The following NPSR1 variants were observed in gnomAD, a reference collection of about 807,000 sequenced individuals.
NPSR1 encodes neuropeptide S receptor 1, also known as neuropeptide S receptor.
A neutral mutation model predicts 46.9 loss-of-function variants in NPSR1; 48 were observed. That is an observed-to-expected ratio of 1.02 (90% confidence interval 0.81 to 1.30). NPSR1 has a LOEUF of 1.30. Among genes scored for constraint, NPSR1 ranks in the 50% most tolerant of loss-of-function variants. The probability of loss-of-function intolerance (pLI) is 0.00; values close to 1 mark genes in which losing one functional copy is unlikely to be tolerated. For synonymous variants in NPSR1, 176 were observed against 168.1 expected, an observed-to-expected ratio of 1.05 and a Z score of -0.36; for missense variants, 450 against 449.5, an observed-to-expected ratio of 1.00 and a Z score of -0.01.
At chr7:34,775,784 A>G (rs964624148) in intron 2 of NPSR1, among the ~76,000 whole-genome samples, 2 of 151,946 alleles carry the variant, frequency 1.3e-5, no homozygotes, top group African/African-American at 4.8e-5. Flanking sequence ...TGAGTTTGTT[A>G]TGCTCTTCCT....
intron 2 of NPSR1, chr7:34,719,323 G>A (rs1205503404): frequency 6.6e-6 from 1 of 152,284 alleles, no homozygotes; most frequent in Non-Finnish European, 1.5e-5. Context: ...TCAACAGAGG[G>A]AAGGAAGGAG....
At chr7:34,789,589 T>C (rs1173119323) in intron 3 of NPSR1, among the ~76,000 whole-genome samples, 1 of 151,682 alleles carries the variant, frequency 6.6e-6, no homozygotes, top group African/African-American at 2.4e-5. Flanking sequence ...GGTCAGGAGT[T>C]TGACACCAGC....
intron 3 of NPSR1, among the ~76,000 whole-genome samples, chr7:34,783,485 C>A (rs324988): frequency 6.6e-6 from 1 of 151,830 alleles, no homozygotes; most frequent in Admixed American, 6.6e-5. Flanking sequence ...GGGATTATGG[C>A]AACTAAAATT....
chr7:34,791,563 C>T (rs1050696251), intron 3 of NPSR1, among the ~76,000 whole-genome samples: 1 of 151,274 alleles, frequency 6.6e-6, no homozygotes, highest in African/African-American at 2.4e-5. Context: ...TTAAACTAGG[C>T]AAAAATTGGA....
chr7:34,675,888 CATT>C (rs1320881406), intron 1 of NPSR1, among the ~76,000 whole-genome samples: 1 of 152,188 alleles, frequency 6.6e-6, no homozygotes, highest in African/African-American at 2.4e-5. Flanking sequence ...ATTTTAAATA[CATT>C]TCTTATTTCC....
intron 3 of NPSR1, among the ~76,000 whole-genome samples, chr7:34,780,415 A>G (rs1032583447): frequency 2.6e-5 from 4 of 152,188 alleles, no homozygotes; most frequent in Non-Finnish European, 4.4e-5. Flanking sequence ...TTAAGACTAT[A>G]TATAAAATAT....
chr7:34,664,284 A>G (rs567292947), intron 1 of NPSR1, among the ~76,000 whole-genome samples: 1 of 152,314 alleles, frequency 6.6e-6, no homozygotes, highest in South Asian at 2.1e-4. Context: ...CCGGTGTCTC[A>G]GTTTCCTCAT....
intron 2 of NPSR1, among the ~76,000 whole-genome samples, chr7:34,762,501 T>C (rs1024637839): frequency 6.6e-6 from 1 of 152,232 alleles, no homozygotes; most frequent in Non-Finnish European, 1.5e-5. Context: ...ACACAAGTTC[T>C]TCAAGACTTG....
At chr7:34,799,291 TAATTA>T (rs1339830128) in intron 3 of NPSR1, among the ~76,000 whole-genome samples, 1 of 152,014 alleles carries the variant, frequency 6.6e-6, no homozygotes, top group Non-Finnish European at 1.5e-5. Flanking sequence ...AAAAAATTAA[TAATTA>T]AATTTAAAAC....
At chr7:34,803,213 C>T (rs1788510061) in intron 3 of NPSR1, among the ~76,000 whole-genome samples, 1 of 151,912 alleles carries the variant, frequency 6.6e-6, no homozygotes, top group Non-Finnish European at 1.5e-5. Context: ...CATCCCATTA[C>T]TGGGTATTTA....
Position 34,674,849 on chromosome 7 carries a change from G to A in NPSR1, c.148-9703G>A, listed in dbSNP as rs1320968341. Among the ~76,000 whole-genome samples, 5 of 152,244 alleles carry A rather than the reference G, an allele frequency of 3.3e-5. No homozygotes were observed. The East Asian group carries it at 7.7e-4, about 24-fold the overall frequency. On this transcript the variant is annotated intron_variant, in intron 1 of 8. Transcript: ENST00000360581. ...GCATGGACCTTATGCTCAGTCCTGA[G>A]GGAGACAGTCATGAATCCAACCCAG...
chr7:34,722,787 C>T (rs192187510), intron 2 of NPSR1, among the ~76,000 whole-genome samples: 104 of 152,194 alleles, frequency 6.8e-4, no homozygotes, highest in East Asian at 1.2e-3. Flanking sequence ...ATGACAGTTC[C>T]GTATGTCAGC....
chr7:34,775,149 A>T (rs1786893465), intron 2 of NPSR1, among the ~76,000 whole-genome samples: 1 of 152,190 alleles, frequency 6.6e-6, no homozygotes, highest in Non-Finnish European at 1.5e-5. Context: ...GACATCTTTG[A>T]TGTAAATGGA....
At chr7:34,826,581 A>G (rs1789851746) in intron 4 of NPSR1, among the ~76,000 whole-genome samples, 1 of 152,166 alleles carries the variant, frequency 6.6e-6, no homozygotes, top group Admixed American at 6.5e-5. Flanking sequence ...AGTTTCAACA[A>G]CAGCTTGACA....
At chr7:34,729,558 G>T (rs546121336) in intron 2 of NPSR1, among the ~76,000 whole-genome samples, 41 of 152,114 alleles carry the variant, frequency 2.7e-4, no homozygotes, top group African/African-American at 9.4e-4. Flanking sequence ...TATCAATTTG[G>T]AAATGATATG....
At chr7:34,840,283 CAG>C (rs1342581363) in intron 6 of NPSR1, among the ~76,000 whole-genome samples, 2 of 152,148 alleles carry the variant, frequency 1.3e-5, no homozygotes, top group Admixed American at 1.3e-4. Context: ...CTGGAGAATA[CAG>C]AGTCAGGCAC....
intron 1 of NPSR1, among the ~76,000 whole-genome samples, chr7:34,668,256 T>G (rs537407512): frequency 3.9e-5 from 6 of 152,192 alleles, no homozygotes; most frequent in Non-Finnish European, 8.8e-5. Flanking sequence ...ATATTGTGAG[T>G]GCTCAAATGC....
At chr7:34,787,407 C>T (rs114092905) in intron 3 of NPSR1, among the ~76,000 whole-genome samples, 114 of 152,206 alleles carry the variant, frequency 7.5e-4, no homozygotes, top group Middle Eastern at 3.4e-3. Flanking sequence ...ATATCCAGAC[C>T]ACTAAAACTT....
chr7:34,790,927 A>ATATGTTATATTATATATCATATATGT (rs1787766526), intron 3 of NPSR1, among the ~76,000 whole-genome samples: 2 of 131,492 alleles, frequency 1.5e-5, no homozygotes, highest in Non-Finnish European at 3.1e-5. Context: ...CATATATGTT[A>ATATGTTATATTATATATCATATATGT]TATGTTATAT....
Sources: allele counts gnomAD v4.1 joint callset (sites outside exome capture counted in the v4.1 genomes callset), GRCh38; gene constraint gnomAD v4.1.1; transcripts MANE v1.5; gene names NCBI Gene and HGNC (gene_info 2026-07-23, HGNC 2026-07-21).